AGBL1: variants seen among roughly 807,000 people sequenced by gnomAD.
The protein encoded by AGBL1 is cytosolic carboxypeptidase 4.
Under a neutral mutation model 118.9 loss-of-function variants are expected in AGBL1, and 130 were observed. That is an observed-to-expected ratio of 1.09 (90% CI 0.95 to 1.26). The LOEUF (loss-of-function observed/expected upper bound fraction) is 1.26. Among genes scored for constraint, AGBL1 ranks in the 50% most tolerant of loss-of-function variants. The pLI, the probability that AGBL1 is intolerant of heterozygous loss-of-function variation, is 0.00. For missense variants in AGBL1, 1,584 were observed against 1,298.1 expected (o/e 1.22, Z -3.38); for synonymous variants, 555 against 478.9 (o/e 1.16, Z -2.08).
intron 17 of AGBL1, among the ~76,000 whole-genome samples, chr15:86,354,377 GAGAC>G (rs1467693703): frequency 2.0e-5 from 3 of 152,222 alleles, no homozygotes; most frequent in African/African-American, 7.2e-5. Flanking sequence ...TCTTGGATAA[GAGAC>G]AGACCAATTG....
intron 1 of AGBL1, chr15:86,138,306 A>G (rs977523044): frequency 6.6e-6 from 1 of 152,218 alleles, no homozygotes; most frequent in Non-Finnish European, 1.5e-5. Context: ...CTCCCATCCA[A>G]GTACTAACCA....
chr15:86,540,857 G>C (rs2083485808), intron 19 of AGBL1, among the ~76,000 whole-genome samples: 1 of 152,130 alleles, frequency 6.6e-6, no homozygotes. Flanking sequence ...CCTTCACTCT[G>C]AATCTTCTGT....
intron 16 of AGBL1, among the ~76,000 whole-genome samples, chr15:86,290,326 A>T (rs2079523515): frequency 6.7e-6 from 1 of 148,328 alleles, no homozygotes; most frequent in Admixed American, 6.7e-5. Flanking sequence ...GTGTGTCTTC[A>T]AGTCCTTCTT....
intron 18 of AGBL1, among the ~76,000 whole-genome samples, chr15:86,434,001 T>C (rs996040409): frequency 6.6e-6 from 1 of 152,208 alleles, no homozygotes; most frequent in African/African-American, 2.4e-5. Flanking sequence ...CTGTAATTGA[T>C]CCAGAAATTC....
intron 16 of AGBL1, among the ~76,000 whole-genome samples, chr15:86,293,512 T>C (rs541191373): frequency 3.9e-5 from 6 of 152,308 alleles, no homozygotes; most frequent in Admixed American, 2.0e-4. Context: ...CTTTTAATCA[T>C]GTTGTGATTA....
rs971842882 is a variant in AGBL1 at position 86,549,804 on chromosome 15, T to C, written c.2817+3671T>C. Among the ~76,000 whole-genome samples the C allele has an allele frequency of 3.5e-5, 5 of 141,648 alleles. No individual in the cohort carries two copies. The South Asian group carries it at 6.6e-4, about 19-fold the overall frequency. The allele number at this position is 141,648 out of a possible 152,430, so 92.9% of individuals were successfully genotyped here. ...TCAATATATATGGAAATTTGATGGA[T>C]AATTAGAACAGAAAGAAGGAAGGAA... is the stretch of plus-strand genomic sequence containing the variant. On this transcript the variant is annotated intron_variant, in intron 20 of 22. Coordinates refer to ENST00000614907, the MANE Select transcript of AGBL1 (RefSeq NM_001386094.1).
intron 18 of AGBL1, among the ~76,000 whole-genome samples, chr15:86,441,002 C>T (rs2082057706): frequency 6.6e-6 from 1 of 152,100 alleles, no homozygotes; most frequent in Non-Finnish European, 1.5e-5. Flanking sequence ...AGGGTCAGGA[C>T]AGATGGAGTA....
chr15:86,276,876 G>C (rs949936689), intron 15 of AGBL1, among the ~76,000 whole-genome samples: 1 of 152,184 alleles, frequency 6.6e-6, no homozygotes. Flanking sequence ...TGGATGAACT[G>C]AACTGTAGCA....
chr15:86,941,741 G>T (rs550268083), intron 23 of AGBL1, among the ~76,000 whole-genome samples: 137 of 152,310 alleles, frequency 9.0e-4, no homozygotes, highest in African/African-American at 3.1e-3. Flanking sequence ...AAGAAGAGCT[G>T]CCAGGCAAGG....
chr15:86,383,262 A>G (rs1449437624), intron 17 of AGBL1, among the ~76,000 whole-genome samples: 1 of 148,652 alleles, frequency 6.7e-6, no homozygotes, highest in Non-Finnish European at 1.5e-5. Flanking sequence ...AAAAAAAAAA[A>G]AAAAAAAAAA....
chr15:86,853,851 C>T (rs1361571276), intron 22 of AGBL1, among the ~76,000 whole-genome samples: 3 of 151,990 alleles, frequency 2.0e-5, no homozygotes, highest in South Asian at 2.1e-4. Flanking sequence ...AGTACTATGA[C>T]CTTGAAGAAT....
At chr15:86,873,891 G>C (rs2079765962) in intron 22 of AGBL1, among the ~76,000 whole-genome samples, 1 of 152,130 alleles carries the variant, frequency 6.6e-6, no homozygotes, top group South Asian at 2.1e-4. Flanking sequence ...AGATACAATA[G>C]TCTTTATGAT....
Position 86,779,917 on chromosome 15 carries a change from C to G in AGBL1, c.3158+105481C>G, listed in dbSNP as rs954466019. Among the ~76,000 whole-genome samples, 6 of 99,450 alleles carry G rather than the reference C, an allele frequency of 6.0e-5. 1 individual carries two copies. The South Asian group carries it at 2.3e-3, about 38-fold the overall frequency. 65.2% of individuals were successfully genotyped at this position (99,450 alleles called of 152,430 possible). A position where few individuals can be genotyped will look rare whatever the true frequency, so the allele number is the denominator to read the frequency against. ...TGGAAAAGTATGTGTTGGACACCCC[C>G]CCAACACACACACACACACACACAC... On this transcript the variant is annotated intron_variant, in intron 22 of 22. Coordinates refer to ENST00000614907, the MANE Select transcript of AGBL1 (RefSeq NM_001386094.1).
intron 1 of AGBL1, among the ~76,000 whole-genome samples, chr15:86,080,868 G>T (rs1895226168): frequency 6.6e-6 from 1 of 151,974 alleles, no homozygotes; most frequent in African/African-American, 2.4e-5. Flanking sequence ...AAGGCCCAAG[G>T]GGTCTTCTAC....
intron 22 of AGBL1, among the ~76,000 whole-genome samples, chr15:86,796,623 T>G (rs1229951798): frequency 1.3e-5 from 2 of 152,234 alleles, no homozygotes; most frequent in Non-Finnish European, 2.9e-5. Context: ...TGGCTTTGTT[T>G]GGTTTTGGAG....
chr15:86,631,768 T>C (rs2084971526), intron 21 of AGBL1, among the ~76,000 whole-genome samples: 1 of 152,100 alleles, frequency 6.6e-6, no homozygotes, highest in South Asian at 2.1e-4. Flanking sequence ...CAACCCCAGG[T>C]CCTGAATCTG....
In AGBL1 at chr15:86,477,997, A is replaced by G. The variant is rs186418900; in HGVS notation, c.2556-44813A>G. Reference sequence around the variant, plus strand: ...AGACAAAACCCACATGATTATCTCAATAGATGCAAAAAGGCCTTTGACAAA... The same window carrying G: ...AGACAAAACCCACATGATTATCTCAGTAGATGCAAAAAGGCCTTTGACAAA... On this transcript the variant is annotated intron_variant, in intron 18 of 22. Transcript: ENST00000614907. 7.9e-5 allele frequency among the ~76,000 whole-genome samples: 12 copies of G among 152,326 alleles called. No homozygotes were observed. In the East Asian group the frequency reaches 2.1e-3, roughly 27 times the overall value.
intron 22 of AGBL1, among the ~76,000 whole-genome samples, chr15:86,857,901 C>G (rs947761782): frequency 2.0e-5 from 3 of 152,216 alleles, no homozygotes; most frequent in African/African-American, 7.2e-5. Flanking sequence ...CAAGCTCTTT[C>G]CCACATCCCA....
chr15:86,682,204 G>A (rs1367513269), intron 22 of AGBL1, among the ~76,000 whole-genome samples: 1 of 152,064 alleles, frequency 6.6e-6, no homozygotes, highest in Non-Finnish European at 1.5e-5. Flanking sequence ...CTCCGCCTGG[G>A]AATTATTATA....
Sources: gnomAD v4.1 joint callset for allele counts (sites outside exome capture counted in the v4.1 genomes callset) on GRCh38, gnomAD v4.1.1 for gene constraint, MANE v1.5 for transcripts, NCBI Gene and HGNC (gene_info 2026-07-23, HGNC 2026-07-21) for gene names.